Variants in PDE1A observed in about 807,000 individuals in gnomAD.
The protein encoded by PDE1A is dual specificity calcium/calmodulin-dependent 3',5'-cyclic nucleotide phosphodiesterase 1A.
A neutral mutation model predicts 61.7 loss-of-function variants in PDE1A; 35 were observed. The ratio of observed to expected loss-of-function variants is 0.57; its 90% confidence interval spans 0.43 to 0.75. The LOEUF (loss-of-function observed/expected upper bound fraction) is 0.75, where lower values mean the gene tolerates loss of function less well. PDE1A is among the 30% of genes least tolerant of loss of function. The pLI is 0.00. For missense variants in PDE1A, 597 were observed against 630.6 expected (o/e 0.95, Z 0.57); for synonymous variants, 232 against 213.2 (o/e 1.09, Z -0.77).
At chr2:182,422,379 G>A (rs1367851789) in intron 1 of PDE1A, among the ~76,000 whole-genome samples, 1 of 151,916 alleles carries the variant, frequency 6.6e-6, no homozygotes, top group African/African-American at 2.4e-5. Context: ...AGACAAATGG[G>A]GAAAATGCAC....
chr2:182,598,980 G>A, the PDE1A span, among the ~76,000 whole-genome samples: 30 of 152,268 alleles, frequency 2.0e-4, no homozygotes, highest in African/African-American at 7.2e-4. Context: ...CAGCACAACC[G>A]CTGCCATCAC....
chr2:182,211,170 G>A lies in PDE1A; in HGVS notation c.777-5105C>T, dbSNP rs576940644. Among the ~76,000 whole-genome samples the A allele has an allele frequency of 1.1e-4, 16 of 152,234 alleles. 1 individual carries two copies. In the East Asian group the frequency reaches 3.1e-3, roughly 29 times the overall value. On this transcript the variant is annotated intron_variant, in intron 7 of 13. Transcript: ENST00000351439. Reference sequence around the variant, plus strand: ...TTATGTTTGCAACACATGAATTCTGGGAAACACATTCAAACCATAGCAGTT... The same window carrying A: ...TTATGTTTGCAACACATGAATTCTGAGAAACACATTCAAACCATAGCAGTT...
intron 3 of PDE1A, among the ~76,000 whole-genome samples, chr2:182,235,700 C>T (rs1015975990): frequency 6.6e-6 from 1 of 152,066 alleles, no homozygotes; most frequent in Non-Finnish European, 1.5e-5. Flanking sequence ...CAAGTTAGTC[C>T]ACAACGAGCT....
rs951525873 is a variant in PDE1A, at chr2:182,158,934, C to T, written c.1517-11782G>A. On this transcript the variant is annotated intron_variant, in intron 13 of 13. Transcript: ENST00000409365. ...ACAGAGATCAAATACTTTAGTTATA[C>T]ATTTTTTGCATAATTACTGGGAATT... Among the ~76,000 whole-genome samples, 4 of 152,108 alleles carry T rather than the reference C, an allele frequency of 2.6e-5. No homozygotes were observed. The South Asian group carries it at 8.3e-4, about 32-fold the overall frequency.
At chr2:182,291,863 A>T (rs1265638059) in intron 1 of PDE1A, among the ~76,000 whole-genome samples, 1 of 152,128 alleles carries the variant, frequency 6.6e-6, no homozygotes, top group African/African-American at 2.4e-5. Flanking sequence ...AATTTTTAAA[A>T]TTTTGTTTAA....
intron 10 of PDE1A, among the ~76,000 whole-genome samples, chr2:182,196,695 C>T (rs1270729647): frequency 6.6e-6 from 1 of 151,006 alleles, no homozygotes; most frequent in African/African-American, 2.4e-5. Flanking sequence ...AATTTTTGAA[C>T]TTCATATAAA....
chr2:182,140,763 TC>T (rs1365894140), exon 15 of PDE1A: 1 of 152,122 alleles, frequency 6.6e-6, no homozygotes, highest in Non-Finnish European at 1.5e-5. Context: ...ACAGATAACC[TC>T]CACTCTGACT....
At chr2:182,547,169 T>A in the PDE1A span, among the ~76,000 whole-genome samples, 3 of 152,210 alleles carry the variant, frequency 2.0e-5, no homozygotes, top group Non-Finnish European at 4.4e-5. Context: ...CCCTAGTTAA[T>A]AACTGCATTT....
the PDE1A span, among the ~76,000 whole-genome samples, chr2:182,534,736 C>T: frequency 6.6e-6 from 1 of 151,296 alleles, no homozygotes; most frequent in Admixed American, 6.6e-5. Context: ...TTTTTCTCAT[C>T]ATTTGTAATT....
chr2:182,242,428 G>A (rs1437984247), intron 2 of PDE1A, among the ~76,000 whole-genome samples: 2 of 152,180 alleles, frequency 1.3e-5, no homozygotes, highest in Non-Finnish European at 2.9e-5. Flanking sequence ...TGTGTTAAGG[G>A]AAGAGCATGG....
chr2:182,476,933 G>A (rs1687404109), intron 2 of PDE1A, among the ~76,000 whole-genome samples: 1 of 149,232 alleles, frequency 6.7e-6, no homozygotes, highest in South Asian at 2.1e-4. Context: ...GGCAGCCAAA[G>A]TAAACAGGGA....
At chr2:182,506,238 C>A (rs1574821951) in intron 2 of PDE1A, among the ~76,000 whole-genome samples, 1 of 152,092 alleles carries the variant, frequency 6.6e-6, no homozygotes, top group African/African-American at 2.4e-5. Flanking sequence ...TGATCGAATT[C>A]TTTTTTTCTC....
At chr2:182,473,556 T>C (rs908527797) in intron 2 of PDE1A, among the ~76,000 whole-genome samples, 4 of 151,904 alleles carry the variant, frequency 2.6e-5, no homozygotes, top group Non-Finnish European at 4.4e-5. Context: ...ACGTGTGTCA[T>C]GGCAGTTTGT....
chr2:182,705,423 A>G, the PDE1A span, among the ~76,000 whole-genome samples: 6 of 152,166 alleles, frequency 3.9e-5, no homozygotes, highest in African/African-American at 4.8e-5. Context: ...AATTAAGAAA[A>G]CCAAAGCCAT....
the PDE1A span, among the ~76,000 whole-genome samples, chr2:182,648,096 A>G: frequency 6.6e-6 from 1 of 152,314 alleles, no homozygotes; most frequent in East Asian, 1.9e-4. Context: ...ACCATGGTAT[A>G]TTGGAAAAAC....
intron 1 of PDE1A, among the ~76,000 whole-genome samples, chr2:182,394,205 A>G (rs1701574860): frequency 6.6e-6 from 1 of 152,230 alleles, no homozygotes; most frequent in South Asian, 2.1e-4. Flanking sequence ...AAAGAGGTTT[A>G]ATGGACTCAC....
chr2:182,357,965 T>C (rs182852348), intron 1 of PDE1A, among the ~76,000 whole-genome samples: 1 of 152,176 alleles, frequency 6.6e-6, no homozygotes, highest in Non-Finnish European at 1.5e-5. Context: ...CAGATCAAGG[T>C]AGGGAAGTCA....
chr2:182,619,892 A>G, the PDE1A span, among the ~76,000 whole-genome samples: 2 of 152,174 alleles, frequency 1.3e-5, no homozygotes, highest in African/African-American at 4.8e-5. Context: ...CACATGGCAG[A>G]AGGCAGAAGC....
the PDE1A span, among the ~76,000 whole-genome samples, chr2:182,577,479 T>G: frequency 1.4e-4 from 22 of 152,318 alleles, no homozygotes; most frequent in African/African-American, 5.3e-4. Flanking sequence ...TTCTTTGACA[T>G]GTGAACTGCT....
Sources: allele counts gnomAD v4.1 joint callset (sites outside exome capture counted in the v4.1 genomes callset), GRCh38; gene constraint gnomAD v4.1.1; transcripts MANE v1.5; gene names NCBI Gene and HGNC (gene_info 2026-07-23, HGNC 2026-07-21).